The following NEK5 variants were observed in gnomAD, a reference collection of about 807,000 sequenced individuals.
NEK5 encodes serine/threonine-protein kinase Nek5.
NEK5 carries 88 observed loss-of-function variants against 109.2 expected under a neutral mutation model. The observed-to-expected ratio is 0.81, with a 90% CI of 0.68 to 0.96. The LOEUF is 0.96. Among genes scored for constraint, NEK5 ranks in the 40% least tolerant of loss-of-function variants. NEK5 has a pLI of 0.00. For missense variants in NEK5, 834 were observed against 920.7 expected, an observed-to-expected ratio of 0.91 and a Z score of 1.22; for synonymous variants, 283 against 299.9, an observed-to-expected ratio of 0.94 and a Z score of 0.58.
chr13:52,110,665 TACAC>T lies in NEK5; in HGVS notation c.313-92_313-89del, dbSNP rs71665641. On this transcript the variant is annotated intron_variant, in intron 5 of 23. Transcript: ENST00000684899. ...GTAACATGCAAAAAGATAGAAATTATACACACACACACACACACATACACACATA... is the reference window on the plus strand; with the variant it reads ...GTAACATGCAAAAAGATAGAAATTATACACACACACACACATACACACATA... 5.8e-3 allele frequency: 3,753 copies of T among 647,464 alleles called. 16 individuals carry two copies. The highest frequency in any genetic ancestry group is 0.012 in the Middle Eastern group (47 of 4,008). 40.1% of individuals were successfully genotyped at this position (647,464 alleles called of 1,614,324 possible). A position where few individuals can be genotyped will look rare whatever the true frequency, so the allele number is the denominator to read the frequency against.
chr13:52,088,916 C>T (rs1367801135), intron 14 of NEK5, among the ~76,000 whole-genome samples: 1 of 151,808 alleles, frequency 6.6e-6, no homozygotes, highest in Non-Finnish European at 1.5e-5. Flanking sequence ...CATGGTGAAA[C>T]CCTGTCTCTA....
intron 4 of NEK5, among the ~76,000 whole-genome samples, chr13:52,113,633 CTTTTT>C (rs753940562): frequency 6.9e-6 from 1 of 145,532 alleles, no homozygotes; most frequent in African/African-American, 2.5e-5. Flanking sequence ...AATTTTTTTT[CTTTTT>C]TTTTTTCCTG....
chr13:52,102,041 C>T, intron 10 of NEK5, 27 bp from the exon 11 acceptor site: 1 of 1,612,670 alleles, frequency 6.2e-7, no homozygotes, highest in Non-Finnish European at 8.5e-7. Context: ...GTGTCAAGGA[C>T]CTGCAACCCA....
intron 4 of NEK5, among the ~76,000 whole-genome samples, chr13:52,116,716 G>C (rs916276638): frequency 2.0e-5 from 3 of 152,108 alleles, no homozygotes; most frequent in Non-Finnish European, 4.4e-5. Context: ...TGTAGTAATA[G>C]AAAACAAATA....
intron 12 of NEK5, among the ~76,000 whole-genome samples, chr13:52,097,488 G>A (rs981803498): frequency 3.9e-5 from 6 of 152,184 alleles, no homozygotes; most frequent in Non-Finnish European, 8.8e-5. Flanking sequence ...TGGGGTCAAA[G>A]GAATTTGGAG....
At chr13:52,110,665 TACACAC>T (rs71665641) in intron 5 of NEK5, 88 bp from the exon 6 acceptor site, 2 of 655,986 alleles carry the variant, frequency 3.0e-6, no homozygotes, top group South Asian at 1.8e-5. Context: ...ATAGAAATTA[TACACAC>T]ACACACACAC....
intron 4 of NEK5, among the ~76,000 whole-genome samples, chr13:52,113,592 T>G (rs1186884401): frequency 1.3e-5 from 2 of 152,172 alleles, no homozygotes; most frequent in African/African-American, 4.8e-5. Context: ...GAAAAGAAAT[T>G]ATCCTTTAAC....
At chr13:52,080,443 A>C (rs1162658240) in intron 17 of NEK5, among the ~76,000 whole-genome samples, 7 of 152,154 alleles carry the variant, frequency 4.6e-5, no homozygotes, top group Non-Finnish European at 7.4e-5. Flanking sequence ...GTTTTGTGGA[A>C]TAGAAAGAGG....
intron 17 of NEK5, among the ~76,000 whole-genome samples, chr13:52,077,943 G>A (rs113810516): frequency 0.094 from 14,244 of 151,986 alleles, 708 homozygotes; most frequent in Non-Finnish European, 0.12. Flanking sequence ...GCGTGGTGGC[G>A]CATGCCTGTA....
Position 52,119,355 on chromosome 13 carries a change from G to A in NEK5, c.178C>T (p.His60Tyr). Residue 60 changes from histidine to tyrosine, a missense_variant, in exon 4 of 24, where the codon CAT (histidine) becomes TAT (tyrosine). By Grantham distance (83) the His-to-Tyr change is moderately conservative. Around this residue, in one of 2 missense-constraint regions of NEK5, gnomAD observed 777 missense variants for 824.7 expected, o/e 0.94. Coordinates refer to ENST00000684899, the MANE Select transcript of NEK5 (RefSeq NM_001365552.1). Reference sequence around the variant, plus strand: ...TTGAAGAAGGCTACAATGTTGGGATGTTTCATCTTTTCCAGAAGAATCACT... The same window carrying A: ...TTGAAGAAGGCTACAATGTTGGGATATTTCATCTTTTCCAGAAGAATCACT... ...KEVILLEKMK[H>Y]PNIVAFFNSF... 6 of 1,602,170 alleles carry A rather than the reference G, an allele frequency of 3.7e-6. No homozygotes were observed. Among genetic ancestry groups the A allele is most frequent in the Non-Finnish European group, 5.1e-6 (6 of 1,171,506 alleles).
intron 22 of NEK5, among the ~76,000 whole-genome samples, chr13:52,057,697 A>G (rs1355157708): frequency 6.6e-6 from 1 of 152,206 alleles, no homozygotes; most frequent in Admixed American, 6.5e-5. Flanking sequence ...CCAAAGACAA[A>G]AACCACATGA....
intron 15 of NEK5, 27 bp from the exon 16 acceptor site, chr13:52,086,390 T>G: frequency 7.3e-7 from 1 of 1,366,712 alleles, no homozygotes; most frequent in Non-Finnish European, 1.0e-6. Flanking sequence ...ATCCAGAAAC[T>G]TTAAATGTTT....
chr13:52,098,098 C>T (rs542883086), intron 12 of NEK5, among the ~76,000 whole-genome samples: 63 of 152,198 alleles, frequency 4.1e-4, no homozygotes, highest in Non-Finnish European at 8.5e-4. Flanking sequence ...GCATCCTGTA[C>T]AGCCTGCAGA....
At chr13:52,044,061 A>G (rs1171397350) in intron 23 of NEK5, among the ~76,000 whole-genome samples, 2 of 152,238 alleles carry the variant, frequency 1.3e-5, no homozygotes, top group Non-Finnish European at 2.9e-5. Flanking sequence ...TTCGGCTGCC[A>G]GCACGGCTAG....
intron 17 of NEK5, among the ~76,000 whole-genome samples, chr13:52,082,023 A>G (rs2137862410): frequency 6.6e-6 from 1 of 152,368 alleles, no homozygotes; most frequent in Non-Finnish European, 1.5e-5. Flanking sequence ...TTATAAAGAT[A>G]ATAATAATTC....
chr13:52,085,345 A>C (rs1955121247), intron 16 of NEK5, among the ~76,000 whole-genome samples: 1 of 152,222 alleles, frequency 6.6e-6, no homozygotes, highest in African/African-American at 2.4e-5. Flanking sequence ...TTTTCTTTAT[A>C]AATTACCCAG....
chr13:52,064,164 C>T (rs1489173735), intron 21 of NEK5, among the ~76,000 whole-genome samples: 1 of 142,334 alleles, frequency 7.0e-6, no homozygotes, highest in African/African-American at 2.7e-5. Context: ...GCCGCCCTGT[C>T]CGGGAGGGAG....
intron 14 of NEK5, among the ~76,000 whole-genome samples, chr13:52,088,973 C>T (rs972242835): frequency 4.0e-5 from 6 of 151,870 alleles, no homozygotes; most frequent in Non-Finnish European, 5.9e-5. Flanking sequence ...CGCCTGTAAT[C>T]CCAGCTACTC....
At chr13:52,125,703 G>A (rs1332383373) in intron 3 of NEK5, among the ~76,000 whole-genome samples, 3 of 152,156 alleles carry the variant, frequency 2.0e-5, no homozygotes, top group Admixed American at 6.5e-5. Flanking sequence ...GGGCAGTTTA[G>A]GTGACAATGG....
Sources: gnomAD v4.1 joint callset for allele counts (sites outside exome capture counted in the v4.1 genomes callset) on GRCh38, gnomAD v4.1.1 for gene constraint, gnomAD v4.1.1 regional missense constraint, MANE v1.5 for transcripts, NCBI Gene and HGNC (gene_info 2026-07-23, HGNC 2026-07-21) for gene names.